ADGRB3: variants seen among roughly 807,000 people sequenced by gnomAD.
The protein encoded by ADGRB3 is brain-specific angiogenesis inhibitor 3.
In ADGRB3, 37 loss-of-function variants were observed where a neutral mutation model predicts 193.4. The ratio of observed to expected loss-of-function variants is 0.19; its 90% CI spans 0.15 to 0.25. The LOEUF is 0.25. Among genes scored for constraint, ADGRB3 ranks in the 10% least tolerant of loss-of-function variants. The pLI is 1.00. For synonymous variants in ADGRB3, 690 were observed against 644.2 expected (o/e 1.07, Z -1.08); for missense variants, 1,637 against 1,852.9 (o/e 0.88, Z 2.14).
At chr6:68,840,022 C>T (rs116197982) in intron 3 of ADGRB3, among the ~76,000 whole-genome samples, 1,592 of 152,204 alleles carry the variant, frequency 0.01, 26 homozygotes, top group African/African-American at 0.036. Flanking sequence ...AACAGACCTA[C>T]CCAGAGGGGA....
At chr6:68,898,750 A>G (rs771902787) in intron 3 of ADGRB3, among the ~76,000 whole-genome samples, 4 of 152,140 alleles carry the variant, frequency 2.6e-5, no homozygotes, top group African/African-American at 9.7e-5. Flanking sequence ...CATGTTCATT[A>G]CATGTACCCT....
intron 3 of ADGRB3, among the ~76,000 whole-genome samples, chr6:68,669,174 G>A (rs1249138996): frequency 6.6e-6 from 1 of 151,906 alleles, no homozygotes; most frequent in Non-Finnish European, 1.5e-5. Context: ...AGGACGTCAT[G>A]GAGAATGAGG....
chr6:69,317,186 C>T lies in ADGRB3; in HGVS notation c.2815-7686C>T, dbSNP rs559068225. Among the ~76,000 whole-genome samples, 11 of 151,588 alleles carry T rather than the reference C, an allele frequency of 7.3e-5. No homozygotes were observed. The South Asian group carries it at 2.1e-3, about 29-fold the overall frequency. ...TATTTGTAAAAATTTATCACTCTCT[C>T]TGCATGGGTGAGTGGGCTTTTGAAA... On this transcript the variant is annotated intron_variant, in intron 20 of 31. Transcript: ENST00000370598.
At chr6:68,655,720 C>A (rs1768476287) in intron 3 of ADGRB3, among the ~76,000 whole-genome samples, 1 of 151,654 alleles carries the variant, frequency 6.6e-6, no homozygotes, top group Non-Finnish European at 1.5e-5. Context: ...AGTATCACCA[C>A]TTTTTCCTTT....
chr6:69,342,637 G>A (rs367611181), intron 26 of ADGRB3, among the ~76,000 whole-genome samples: 2 of 152,068 alleles, frequency 1.3e-5, no homozygotes, highest in African/African-American at 4.8e-5. Context: ...CAAGAGAAGA[G>A]AAGTATCTTC....
At chr6:68,853,192 C>G (rs540334400) in intron 3 of ADGRB3, among the ~76,000 whole-genome samples, 1 of 152,012 alleles carries the variant, frequency 6.6e-6, no homozygotes, top group Non-Finnish European at 1.5e-5. Flanking sequence ...TCATGACAAG[C>G]CAAAGCAGAA....
chr6:68,742,641 A>G (rs946882370), intron 3 of ADGRB3, among the ~76,000 whole-genome samples: 2 of 152,140 alleles, frequency 1.3e-5, no homozygotes, highest in Non-Finnish European at 2.9e-5. Flanking sequence ...AGGTTAAGTT[A>G]GAATAAAGGA....
intron 13 of ADGRB3, among the ~76,000 whole-genome samples, chr6:69,040,707 A>AAAAAAAAAAAAAAAAT (rs1771038176): frequency 6.6e-5 from 4 of 60,394 alleles, no homozygotes; most frequent in African/African-American, 2.7e-4. Context: ...AAAAAAAAAA[A>AAAAAAAAAAAAAAAAT]AACAAACAAG....
At chr6:68,879,720 A>G (rs1341723435) in intron 3 of ADGRB3, among the ~76,000 whole-genome samples, 1 of 152,092 alleles carries the variant, frequency 6.6e-6, no homozygotes, top group Admixed American at 6.6e-5. Flanking sequence ...ACCTGAGCTT[A>G]TCATTTTAGG....
chr6:69,246,914 T>G (rs1334525631), intron 20 of ADGRB3, among the ~76,000 whole-genome samples: 1 of 152,256 alleles, frequency 6.6e-6, no homozygotes. Context: ...TTTGAGAATG[T>G]CAGGCCTACT....
chr6:69,087,616 A>G (rs576352501), intron 17 of ADGRB3, among the ~76,000 whole-genome samples: 2 of 152,186 alleles, frequency 1.3e-5, no homozygotes, highest in African/African-American at 4.8e-5. Context: ...CCACCATCCA[A>G]TAAATTTCTG....
At chr6:69,338,821 T>G in intron 24 of ADGRB3, 95 bp from the exon 25 acceptor site, 1 of 991,284 alleles carries the variant, frequency 1.0e-6, no homozygotes, top group Non-Finnish European at 1.6e-6. Flanking sequence ...CTTTTCTGCA[T>G]GAAATCGTAT....
intron 26 of ADGRB3, among the ~76,000 whole-genome samples, chr6:69,347,333 T>G (rs998157181): frequency 6.6e-6 from 1 of 151,954 alleles, no homozygotes; most frequent in Non-Finnish European, 1.5e-5. Flanking sequence ...TTCTGCACAG[T>G]TATCCCAAAA....
At chr6:68,655,860 C>T (rs991433468) in intron 3 of ADGRB3, among the ~76,000 whole-genome samples, 1 of 151,542 alleles carries the variant, frequency 6.6e-6, no homozygotes, top group Non-Finnish European at 1.5e-5. Flanking sequence ...TAAGTAACTT[C>T]TTCTTCTGTG....
chr6:69,299,351 G>A (rs892520309), intron 20 of ADGRB3, among the ~76,000 whole-genome samples: 3 of 151,698 alleles, frequency 2.0e-5, no homozygotes, highest in African/African-American at 7.3e-5. Flanking sequence ...ATTCTTTTGG[G>A]AGCTGTCTCT....
chr6:68,960,038 A>T (rs1932621), intron 8 of ADGRB3, among the ~76,000 whole-genome samples: 96,082 of 151,912 alleles, frequency 0.63, 30,613 homozygotes, highest in Middle Eastern at 0.79. Context: ...TCAGAAAGCA[A>T]GTGTTACTGC....
intron 17 of ADGRB3, among the ~76,000 whole-genome samples, chr6:69,129,888 C>A (rs1429718480): frequency 6.6e-6 from 1 of 152,088 alleles, no homozygotes; most frequent in African/African-American, 2.4e-5. Flanking sequence ...CTTTCCTAGA[C>A]TCTGTTTCAT....
At chr6:68,754,932 G>A (rs754050529) in intron 3 of ADGRB3, among the ~76,000 whole-genome samples, 6 of 152,062 alleles carry the variant, frequency 3.9e-5, no homozygotes, top group Non-Finnish European at 8.8e-5. Context: ...TGTTGTTAGA[G>A]GAATACTAGA....
intron 17 of ADGRB3, among the ~76,000 whole-genome samples, chr6:69,149,978 A>G (rs13203345): frequency 9.4e-5 from 12 of 127,126 alleles, no homozygotes; most frequent in Non-Finnish European, 1.3e-4. Context: ...GTGTGTGTTG[A>G]GATCCCTGGA....
Sources: gnomAD v4.1 joint callset for allele counts (sites outside exome capture counted in the v4.1 genomes callset) on GRCh38, gnomAD v4.1.1 for gene constraint, MANE v1.5 for transcripts, NCBI Gene and HGNC (gene_info 2026-07-23, HGNC 2026-07-21) for gene names.